Variants in SCML4 observed in about 807,000 individuals in gnomAD.
The protein encoded by SCML4 is sex comb on midleg-like protein 4.
In SCML4, 34 loss-of-function variants were observed where a neutral mutation model predicts 41.1. The ratio of observed to expected loss-of-function variants is 0.83; its 90% confidence interval spans 0.63 to 1.10. The LOEUF (loss-of-function observed/expected upper bound fraction) is 1.10. Among genes scored for constraint, SCML4 ranks in the 50% least tolerant of loss-of-function variants. The pLI is 0.00. For synonymous variants in SCML4, 214 were observed against 220.9 expected (o/e 0.97, Z 0.28); for missense variants, 522 against 534.1 (o/e 0.98, Z 0.22).
intron 1 of SCML4, among the ~76,000 whole-genome samples, chr6:107,794,666 T>G (rs1370705527): frequency 6.6e-6 from 1 of 152,208 alleles, no homozygotes; most frequent in East Asian, 1.9e-4. Context: ...AGGCAGATGG[T>G]TGAATACTTA....
At chr6:107,723,009 A>G (rs1775583869) in intron 5 of SCML4, among the ~76,000 whole-genome samples, 1 of 152,190 alleles carries the variant, frequency 6.6e-6, no homozygotes, top group African/African-American at 2.4e-5. Flanking sequence ...AAGAACCAAC[A>G]AAATTGCAAG....
At chr6:107,716,088 C>T (rs1774759256) in intron 6 of SCML4, among the ~76,000 whole-genome samples, 2 of 152,194 alleles carry the variant, frequency 1.3e-5, no homozygotes, top group African/African-American at 2.4e-5. Context: ...CCCACTTTAA[C>T]ATCCTGCCAC....
Position 107,746,806 on chromosome 6 carries a change from G to A in SCML4, c.370C>T (p.Pro124Ser). 2 of 1,614,086 alleles carry A rather than the reference G, an allele frequency of 1.2e-6. No homozygotes were observed. Among genetic ancestry groups the A allele is most frequent in the Non-Finnish European group, 8.5e-7 (1 of 1,180,000 alleles). ...KVQQLPEHFGPERPSAVLQQA... is the reference protein window; with the variant it reads ...KVQQLPEHFGSERPSAVLQQA... ...TGCAGCACCGCCGATGGCCGCTCGG[G>A]CCCAAAATGCTCCGGGAGCTGCTGC... Residue 124 changes from proline to serine, a missense_variant, in exon 4 of 8, where the codon CCC becomes TCC. By Grantham distance (74) the Pro-to-Ser change is moderately conservative. Coordinates refer to ENST00000369020, the MANE Select transcript of SCML4 (RefSeq NM_198081.5).
intron 5 of SCML4, among the ~76,000 whole-genome samples, chr6:107,740,420 AGCTTGAGATCTGTCCTCTGGAGCTT>A (rs1373133256): frequency 6.6e-6 from 1 of 152,242 alleles, no homozygotes; most frequent in Admixed American, 6.5e-5. Flanking sequence ...ACACATGAAT[AGCTTGAGATCTGTCCTCTGGAGCTT>A]GAGAGACAAG....
chr6:107,766,905 G>T (rs1780093827), intron 2 of SCML4, among the ~76,000 whole-genome samples: 1 of 151,564 alleles, frequency 6.6e-6, no homozygotes, highest in Admixed American at 6.6e-5. Context: ...AGAGACACAG[G>T]AAGGGTATTA....
At chr6:107,740,067 G>T in intron 5 of SCML4, 1 of 468,146 alleles carries the variant, frequency 2.1e-6, no homozygotes, top group Non-Finnish European at 4.4e-6. Flanking sequence ...AACAACTGGG[G>T]TCATTACTTC....
chr6:107,810,615 A>T (rs1001142509), intron 1 of SCML4, among the ~76,000 whole-genome samples: 1 of 152,182 alleles, frequency 6.6e-6, no homozygotes, highest in Non-Finnish European at 1.5e-5. Flanking sequence ...AAATTTAAAG[A>T]AACTGTAGAT....
chr6:107,839,289 G>A, the SCML4 span, among the ~76,000 whole-genome samples: 1 of 146,760 alleles, frequency 6.8e-6, no homozygotes, highest in African/African-American at 2.5e-5. Flanking sequence ...GACAGACCCT[G>A]TCAAAAGAAA....
intron 2 of SCML4, among the ~76,000 whole-genome samples, chr6:107,759,750 T>C (rs1168815609): frequency 6.6e-6 from 1 of 152,136 alleles, no homozygotes; most frequent in African/African-American, 2.4e-5. Context: ...AATACTAAAG[T>C]AATAAACCTT....
chr6:107,802,644 T>C (rs1783260588), intron 1 of SCML4, among the ~76,000 whole-genome samples: 1 of 86,798 alleles, frequency 1.2e-5, no homozygotes, highest in South Asian at 4.2e-4. Flanking sequence ...GGAAAGAAAA[T>C]TGGAAAGGCT....
intron 1 of SCML4, among the ~76,000 whole-genome samples, chr6:107,803,244 G>T (rs1335091058): frequency 2.2e-5 from 3 of 134,442 alleles, no homozygotes; most frequent in African/African-American, 5.7e-5. Flanking sequence ...CGGCCGCCCT[G>T]TCTGAGAAGT....
intron 5 of SCML4, among the ~76,000 whole-genome samples, chr6:107,733,422 T>G (rs923144134): frequency 6.6e-6 from 1 of 152,106 alleles, no homozygotes; most frequent in African/African-American, 2.4e-5. Flanking sequence ...CAGCAAAGGG[T>G]TTGTTGCTTA....
At chr6:107,769,225 G>C (rs1011162769) in intron 2 of SCML4, among the ~76,000 whole-genome samples, 1 of 152,218 alleles carries the variant, frequency 6.6e-6, no homozygotes, top group Non-Finnish European at 1.5e-5. Flanking sequence ...TTCCAGCTGT[G>C]AGTCTGCCCC....
chr6:107,762,876 C>CTTTTTTTTTTTTTTTTTTTTTT (rs57370632), intron 2 of SCML4, among the ~76,000 whole-genome samples: 2 of 89,656 alleles, frequency 2.2e-5, no homozygotes, highest in Non-Finnish European at 3.9e-5. Flanking sequence ...TAAATGCACT[C>CTTTTTTTTTTTTTTTTTTTTTT]TTTTTTTTTT....
chr6:107,823,394 T>C (rs1225384580), intron 1 of SCML4, among the ~76,000 whole-genome samples: 1 of 152,164 alleles, frequency 6.6e-6, no homozygotes, highest in African/African-American at 2.4e-5. Context: ...CCCTCATGCT[T>C]TGGGAGGAGC....
intron 1 of SCML4, among the ~76,000 whole-genome samples, chr6:107,781,411 C>G (rs1781484111): frequency 6.6e-6 from 1 of 152,090 alleles, no homozygotes; most frequent in Admixed American, 6.5e-5. Flanking sequence ...CTTTGGGAGG[C>G]CGAGGCGGGT....
chr6:107,820,132 T>C lies in SCML4; in HGVS notation c.-60+3994A>G, dbSNP rs146453588. On this transcript the variant is annotated intron_variant, in intron 1 of 7. Coordinates refer to ENST00000369020, the MANE Select transcript of SCML4 (RefSeq NM_198081.5). ...GGGATGTTCTTGTCTGTGTCAGAAC[T>C]GCCTGCTTAACCCAGCAGGAAGCCT... Among the ~76,000 whole-genome samples the C allele has an allele frequency of 6.2e-4, 95 of 152,344 alleles. No homozygotes were observed. In the East Asian group the frequency reaches 0.011, roughly 17 times the overall value.
At chr6:107,761,309 A>G (rs1779568572) in intron 2 of SCML4, among the ~76,000 whole-genome samples, 1 of 152,218 alleles carries the variant, frequency 6.6e-6, no homozygotes, top group South Asian at 2.1e-4. Flanking sequence ...TGAAATTATA[A>G]AACGCCAAAG....
chr6:107,803,123 G>A (rs1356469139), intron 1 of SCML4, among the ~76,000 whole-genome samples: 1 of 150,548 alleles, frequency 6.6e-6, no homozygotes, highest in Non-Finnish European at 1.5e-5. Context: ...GCCTGCCTTG[G>A]CCCAGCAAAG....
Sources: gnomAD v4.1 joint callset for allele counts (sites outside exome capture counted in the v4.1 genomes callset) on GRCh38, gnomAD v4.1.1 for gene constraint, MANE v1.5 for transcripts, NCBI Gene and HGNC (gene_info 2026-07-23, HGNC 2026-07-21) for gene names.